ZBTB20: variants seen among roughly 807,000 people sequenced by gnomAD.
ZBTB20 encodes the protein zinc finger and BTB domain containing 20.
A neutral mutation model predicts 56.9 loss-of-function variants in ZBTB20; 9 were observed. The observed-to-expected ratio is 0.16, with a 90% confidence interval of 0.10 to 0.28. ZBTB20 has a LOEUF of 0.28. Among genes scored for constraint, ZBTB20 ranks in the 10% least tolerant of loss-of-function variants. The pLI, the probability that ZBTB20 is intolerant of heterozygous loss-of-function variation, is 1.00. For synonymous variants in ZBTB20, 417 were observed against 420.7 expected, an observed-to-expected ratio of 0.99 and a Z score of 0.11; for missense variants, 655 against 1,003.0, an observed-to-expected ratio of 0.65 and a Z score of 4.69.
intron 2 of ZBTB20, among the ~76,000 whole-genome samples, chr3:115,044,948 G>A (rs1485752956): frequency 6.6e-6 from 1 of 152,208 alleles, no homozygotes; most frequent in Non-Finnish European, 1.5e-5. Flanking sequence ...GGTAAAACCT[G>A]TAGGTGTTAC....
chr3:114,924,450 T>G (rs1226006547), intron 3 of ZBTB20, among the ~76,000 whole-genome samples: 2 of 152,116 alleles, frequency 1.3e-5, no homozygotes, highest in African/African-American at 2.4e-5. Flanking sequence ...CTAAGTAAAA[T>G]AAGCAAGATA....
At chr3:114,464,161 A>T (rs915598814) in intron 7 of ZBTB20, among the ~76,000 whole-genome samples, 1 of 152,176 alleles carries the variant, frequency 6.6e-6, no homozygotes, top group African/African-American at 2.4e-5. Flanking sequence ...CTGTTTAATT[A>T]TATTCACTTT....
In ZBTB20 at chr3:114,760,897, T is replaced by A. The variant is rs190009148; in HGVS notation, c.-343+40204A>T. ...ATGACTGTTAAAGGAAGGGGAAAAA[T>A]CTGTGTCCATTTTGTGGTCACACAT... On this transcript the variant is annotated intron_variant, in intron 5 of 11. Coordinates refer to ENST00000675478, the MANE Select transcript of ZBTB20 (RefSeq NM_001348800.3). Among the ~76,000 whole-genome samples, 330 of 152,310 alleles carry A rather than the reference T, an allele frequency of 2.2e-3. 2 individuals are homozygous for A. The highest frequency in any genetic ancestry group is 3.7e-3 in the Non-Finnish European group (252 of 68,024).
At chr3:114,590,187 G>T (rs2055598585) in intron 6 of ZBTB20, among the ~76,000 whole-genome samples, 1 of 152,142 alleles carries the variant, frequency 6.6e-6, no homozygotes. Context: ...GTGTGCGAAG[G>T]CTCACGCTTG....
chr3:114,442,504 G>C (rs2090997719), intron 7 of ZBTB20, among the ~76,000 whole-genome samples: 1 of 152,090 alleles, frequency 6.6e-6, no homozygotes, highest in Non-Finnish European at 1.5e-5. Context: ...ACAGAAATCT[G>C]CAAAACTTTC....
At chr3:115,087,314 T>G (rs187569883) in intron 1 of ZBTB20, among the ~76,000 whole-genome samples, 67 of 152,012 alleles carry the variant, frequency 4.4e-4, no homozygotes, top group Non-Finnish European at 2.4e-4. Flanking sequence ...CTCAGAACTA[T>G]TTATTCAATG....
chr3:114,492,636 T>A (rs2042874347), intron 7 of ZBTB20, among the ~76,000 whole-genome samples: 1 of 152,210 alleles, frequency 6.6e-6, no homozygotes, highest in Admixed American at 6.5e-5. Flanking sequence ...TTTCCTCATA[T>A]CCATTTTTGA....
At chr3:115,020,626 C>A (rs2080165780) in intron 2 of ZBTB20, among the ~76,000 whole-genome samples, 1 of 150,858 alleles carries the variant, frequency 6.6e-6, no homozygotes, top group Admixed American at 6.6e-5. Flanking sequence ...AAGATAAAAT[C>A]TAGAGACTTT....
intron 7 of ZBTB20, among the ~76,000 whole-genome samples, chr3:114,492,482 T>C (rs1161626602): frequency 3.3e-5 from 5 of 152,170 alleles, no homozygotes; most frequent in Non-Finnish European, 5.9e-5. Context: ...ACTTCTCTCT[T>C]TTATTTCACA....
At chr3:114,699,482 A>G (rs957822546) in intron 5 of ZBTB20, among the ~76,000 whole-genome samples, 1 of 152,038 alleles carries the variant, frequency 6.6e-6, no homozygotes, top group Non-Finnish European at 1.5e-5. Context: ...AGAAAGTCAG[A>G]AATGCCATCT....
At chr3:114,828,458 C>T (rs561713230) in intron 4 of ZBTB20, among the ~76,000 whole-genome samples, 2 of 151,568 alleles carry the variant, frequency 1.3e-5, no homozygotes, top group African/African-American at 4.8e-5. Flanking sequence ...ATTTTTGCTA[C>T]GTTTTTAAGA....
At chr3:114,866,163 C>T (rs2075754404) in intron 4 of ZBTB20, among the ~76,000 whole-genome samples, 1 of 152,190 alleles carries the variant, frequency 6.6e-6, no homozygotes, top group South Asian at 2.1e-4. Flanking sequence ...CTGTTCTTCA[C>T]TGAGTACTAA....
At chr3:115,088,886 G>A (rs565510700) in intron 1 of ZBTB20, among the ~76,000 whole-genome samples, 1 of 151,926 alleles carries the variant, frequency 6.6e-6, no homozygotes, top group South Asian at 2.1e-4. Flanking sequence ...GTCATAATAG[G>A]TAAAATTGGA....
chr3:114,418,902 A>G (rs999764397), intron 7 of ZBTB20, among the ~76,000 whole-genome samples: 3 of 152,110 alleles, frequency 2.0e-5, no homozygotes, highest in Admixed American at 6.6e-5. Flanking sequence ...GATGAAATGT[A>G]AGACCTACCT....
chr3:114,724,136 G>A (rs979738682), intron 5 of ZBTB20, among the ~76,000 whole-genome samples: 7 of 151,986 alleles, frequency 4.6e-5, no homozygotes, highest in East Asian at 1.9e-4. Flanking sequence ...GCCTCCCAAA[G>A]TGCTGGGATT....
chr3:114,926,546 C>T (rs969662304), intron 3 of ZBTB20, among the ~76,000 whole-genome samples: 1 of 151,598 alleles, frequency 6.6e-6, no homozygotes, highest in Admixed American at 6.6e-5. Flanking sequence ...CCAAGAGATA[C>T]AAATAAAAAT....
chr3:114,869,833 T>G (rs567914382), intron 4 of ZBTB20, among the ~76,000 whole-genome samples: 1 of 152,146 alleles, frequency 6.6e-6, no homozygotes, highest in African/African-American at 2.4e-5. Context: ...TACAAACAAA[T>G]AGCAAAAATG....
chr3:114,436,887 T>C (rs113285567), intron 7 of ZBTB20, among the ~76,000 whole-genome samples: 7 of 152,240 alleles, frequency 4.6e-5, no homozygotes, highest in African/African-American at 7.2e-5. Flanking sequence ...TATAGTCACA[T>C]TGGGAACATA....
At chr3:114,622,533 C>T (rs1818757) in intron 6 of ZBTB20, among the ~76,000 whole-genome samples, 67,462 of 151,966 alleles carry the variant, frequency 0.44, 17,139 homozygotes, top group East Asian at 0.74. Context: ...TGATAGGAAG[C>T]TGACTCTGTC....
Sources: gnomAD v4.1 joint callset for allele counts (sites outside exome capture counted in the v4.1 genomes callset) on GRCh38, gnomAD v4.1.1 for gene constraint, MANE v1.5 for transcripts, NCBI Gene and HGNC (gene_info 2026-07-23, HGNC 2026-07-21) for gene names.